Variants in TBC1D22B observed in about 807,000 individuals in gnomAD.
TBC1D22B encodes chromosome 6 open reading frame 197.
A neutral mutation model predicts 69.1 loss-of-function variants in TBC1D22B; 32 were observed. The observed-to-expected ratio is 0.46, with a 90% CI of 0.35 to 0.62. The LOEUF is 0.62. TBC1D22B is among the 20% of genes least tolerant of loss of function. The probability of loss-of-function intolerance (pLI) is 0.00; values close to 1 mark genes in which losing one functional copy is unlikely to be tolerated. For synonymous variants in TBC1D22B, 206 were observed against 229.8 expected (o/e 0.90, Z 0.94); for missense variants, 462 against 630.9 (o/e 0.73, Z 2.87).
chr6:37,267,490 AATATATATACACTATATATATAATAT>A (rs1766338664), intron 1 of TBC1D22B, among the ~76,000 whole-genome samples: 1 of 9,608 alleles, frequency 1.0e-4, no homozygotes. Flanking sequence ...CACTATATAT[AATATATATACACTATATATATAATAT>A]ATATATACAC....
chr6:37,257,975 T>G lies in TBC1D22B; in HGVS notation c.56+2T>G, dbSNP rs1583509915. Reference sequence around the variant, plus strand: ...GAGGAGCGCTAAGCTGCCGGGGAGGTGAGCCCAGGACGCTGAGAGGGATAG... The same window carrying G: ...GAGGAGCGCTAAGCTGCCGGGGAGGGGAGCCCAGGACGCTGAGAGGGATAG... On this transcript the variant is annotated splice_donor_variant, in intron 1 of 12. Coordinates refer to ENST00000373491, the MANE Select transcript of TBC1D22B (RefSeq NM_017772.4). LOFTEE classifies it high-confidence loss of function. 1 of 1,613,706 alleles carries G rather than the reference T, an allele frequency of 6.2e-7. No homozygotes were observed. The highest frequency in any genetic ancestry group is 8.5e-7 in the Non-Finnish European group (1 of 1,179,914).
intron 8 of TBC1D22B, among the ~76,000 whole-genome samples, chr6:37,304,861 G>T: frequency 6.6e-6 from 1 of 152,332 alleles, no homozygotes; most frequent in South Asian, 2.1e-4. Flanking sequence ...GATATTTGTA[G>T]GATTGAGATA....
At chr6:37,286,594 C>T (rs1208742278) in intron 6 of TBC1D22B, among the ~76,000 whole-genome samples, 44 of 151,050 alleles carry the variant, frequency 2.9e-4, no homozygotes, top group African/African-American at 9.7e-4. Context: ...GGATTACAGG[C>T]GTGAGCCACC....
In TBC1D22B at chr6:37,320,878, G is replaced by T. The variant is rs139161162; in HGVS notation, c.1389+3672G>T. Among the ~76,000 whole-genome samples, 27 of 152,384 alleles carry T rather than the reference G, an allele frequency of 1.8e-4. 1 individual carries two copies. The East Asian group carries it at 5.0e-3, about 28-fold the overall frequency. On this transcript the variant is annotated intron_variant, in intron 12 of 12. Coordinates refer to ENST00000373491, the MANE Select transcript of TBC1D22B (RefSeq NM_017772.4). ...CTCCGGGCCCGTGGCAGCTTGAAATGCGAGCTGCCAGCAGAGCTGGGCCAA... is the reference window on the plus strand; with the variant it reads ...CTCCGGGCCCGTGGCAGCTTGAAATTCGAGCTGCCAGCAGAGCTGGGCCAA...
rs182955948 is a variant in TBC1D22B at position 37,331,971 on chromosome 6, A to T, written c.*799A>T. 4 of 152,708 alleles carry T rather than the reference A, an allele frequency of 2.6e-5. No homozygotes were observed. The highest frequency in any genetic ancestry group is 9.6e-5 in the African/African-American group (4 of 41,556). The allele number at this position is 152,708 out of a possible 1,614,324, so 9.5% of individuals were successfully genotyped here. A position where few individuals can be genotyped will look rare whatever the true frequency, so the allele number is the denominator to read the frequency against. ...CCAGACCCCTTTTCCATGATGACCC[A>T]CTCCAAGATATTATGTGTAAATTGT... On this transcript the variant is annotated 3_prime_UTR_variant, in exon 13 of 13. Transcript: ENST00000373491.
At chr6:37,278,946 A>C (rs1234793859) in intron 2 of TBC1D22B, among the ~76,000 whole-genome samples, 2 of 150,148 alleles carry the variant, frequency 1.3e-5, no homozygotes, top group African/African-American at 4.9e-5. Context: ...AAAAAGAGAG[A>C]GGTTATACAG....
At chr6:37,267,319 T>C (rs1766312665) in intron 1 of TBC1D22B, among the ~76,000 whole-genome samples, 1 of 144,138 alleles carries the variant, frequency 6.9e-6, no homozygotes, top group Non-Finnish European at 1.5e-5. Context: ...TATATATATA[T>C]ATATACACAC....
intron 12 of TBC1D22B, among the ~76,000 whole-genome samples, chr6:37,319,890 T>A (rs1768189787): frequency 6.6e-6 from 1 of 152,230 alleles, no homozygotes; most frequent in African/African-American, 2.4e-5. Flanking sequence ...GTGTGACTTT[T>A]GCAGAGAAAG....
chr6:37,291,757 A>G (rs1460172682), intron 8 of TBC1D22B, among the ~76,000 whole-genome samples: 2 of 152,218 alleles, frequency 1.3e-5, no homozygotes, highest in Non-Finnish European at 2.9e-5. Context: ...GTGGACGTGC[A>G]GAGGACAAAA....
chr6:37,267,840 G>C (rs1288623376), intron 1 of TBC1D22B, among the ~76,000 whole-genome samples: 1 of 152,098 alleles, frequency 6.6e-6, no homozygotes, highest in Non-Finnish European at 1.5e-5. Context: ...ATGTTAAACA[G>C]GTAGTGACAT....
At chr6:37,291,447 GGT>G (rs1194073370) in intron 8 of TBC1D22B, 90 bp downstream of exon 8, 5 of 912,886 alleles carry the variant, frequency 5.5e-6, no homozygotes, top group Non-Finnish European at 8.2e-6. Context: ...CCAGCCAGTA[GGT>G]ATGTCTTGCT....
At position 37,332,772 on chromosome 6, in the gene TBC1D22B, CT is replaced by C. The variant is rs1768620316; in HGVS notation, c.*1602del. 6.5e-6 allele frequency: 1 copy of C among 152,744 alleles called. No homozygotes were observed. The highest frequency in any genetic ancestry group is 1.5e-5 in the Non-Finnish European group (1 of 68,100). The allele number at this position is 152,744 out of a possible 1,614,324, so 9.5% of individuals were successfully genotyped here. A position where few individuals can be genotyped will look rare whatever the true frequency, so the allele number is the denominator to read the frequency against. ...TTTCTCAGGCATTCTTCCCAACCCT[CT>C]TCCTTTTCCCCTTCGGTGTGCCTCA... On this transcript the variant is annotated 3_prime_UTR_variant, in exon 13 of 13. Transcript: ENST00000373491.
At chr6:37,293,831 A>G (rs1239656804) in intron 8 of TBC1D22B, among the ~76,000 whole-genome samples, 1 of 152,222 alleles carries the variant, frequency 6.6e-6, no homozygotes, top group Non-Finnish European at 1.5e-5. Context: ...AAATAGTAAG[A>G]GATCAAAATA....
intron 8 of TBC1D22B, among the ~76,000 whole-genome samples, chr6:37,296,865 C>T (rs1250239716): frequency 1.3e-5 from 2 of 151,634 alleles, no homozygotes; most frequent in Non-Finnish European, 1.5e-5. Flanking sequence ...CTCACTCTGT[C>T]GCCCAGACTG....
intron 8 of TBC1D22B, among the ~76,000 whole-genome samples, chr6:37,303,704 C>T (rs981524900): frequency 1.6e-4 from 24 of 152,160 alleles, no homozygotes; most frequent in Non-Finnish European, 3.2e-4. Context: ...CTCAACAATC[C>T]AAAATGGACA....
At chr6:37,279,953 G>T (rs61435770) in intron 3 of TBC1D22B, among the ~76,000 whole-genome samples, 4,849 of 152,308 alleles carry the variant, frequency 0.032, 243 homozygotes, top group African/African-American at 0.11. Flanking sequence ...TTTAGAAATA[G>T]TAACTGATGT....
chr6:37,268,379 G>A (rs560204655), intron 1 of TBC1D22B, among the ~76,000 whole-genome samples: 1 of 152,164 alleles, frequency 6.6e-6, no homozygotes, highest in Admixed American at 6.5e-5. Context: ...CAGACGTGCA[G>A]CACCATGCCC....
At chr6:37,298,835 G>A (rs928205742) in intron 8 of TBC1D22B, among the ~76,000 whole-genome samples, 5 of 152,086 alleles carry the variant, frequency 3.3e-5, no homozygotes, top group South Asian at 2.1e-4. Flanking sequence ...GTGAGCCACC[G>A]CGCCTGGCCT....
At chr6:37,285,361 G>T (rs1472563979) in intron 6 of TBC1D22B, among the ~76,000 whole-genome samples, 1 of 105,538 alleles carries the variant, frequency 9.5e-6, no homozygotes, top group East Asian at 3.2e-4. Context: ...GTCTCACTCT[G>T]TCGTCCAGGC....
Sources: gnomAD v4.1 joint callset for allele counts (sites outside exome capture counted in the v4.1 genomes callset) on GRCh38, gnomAD v4.1.1 for gene constraint, MANE v1.5 for transcripts, NCBI Gene and HGNC (gene_info 2026-07-23, HGNC 2026-07-21) for gene names.